The following SLCO4C1 variants were observed in gnomAD, a reference collection of about 807,000 sequenced individuals.
SLCO4C1 encodes solute carrier organic anion transporter family member 4C1.
Under a neutral mutation model 72.1 loss-of-function variants are expected in SLCO4C1, and 58 were observed. The observed-to-expected ratio is 0.80, with a 90% CI of 0.65 to 1.00. SLCO4C1 has a LOEUF of 1.00. SLCO4C1 is among the 50% of genes least tolerant of loss of function. The pLI is 0.00. For missense variants in SLCO4C1, 898 were observed against 857.9 expected (o/e 1.05, Z -0.58); for synonymous variants, 297 against 312.5 (o/e 0.95, Z 0.52).
intron 2 of SLCO4C1, among the ~76,000 whole-genome samples, chr5:102,280,837 T>C (rs1749341138): frequency 1.3e-5 from 2 of 152,084 alleles, no homozygotes; most frequent in South Asian, 4.1e-4. Context: ...GTCCCTCCCT[T>C]GACATGTGGG....
chr5:102,287,588 T>G (rs1390294718), intron 2 of SLCO4C1, among the ~76,000 whole-genome samples: 1 of 143,332 alleles, frequency 7.0e-6, no homozygotes, highest in East Asian at 2.1e-4. Flanking sequence ...TCACCCAGGC[T>G]GGATGGAGTG....
chr5:102,260,338 T>C lies in SLCO4C1; in HGVS notation c.1022-19A>G. ...GCTGTACCTAAAAAAAAAATATATA[T>C]ATATATATAATATATATATTATACA... On this transcript the variant is annotated intron_variant, in intron 5 of 12. Transcript: ENST00000310954. The C allele has an allele frequency of 5.5e-6, 2 of 363,874 alleles. No homozygotes were observed. The highest frequency in any genetic ancestry group is 8.8e-6 in the Non-Finnish European group (2 of 228,526). 22.5% of individuals were successfully genotyped at this position (363,874 alleles called of 1,614,324 possible). A position where few individuals can be genotyped will look rare whatever the true frequency, so the allele number is the denominator to read the frequency against.
chr5:102,249,739 A>G lies in SLCO4C1; in HGVS notation c.1519T>C (p.Cys507Arg), dbSNP rs1323055857. ...ACAGGATAATAATATGATCGCGAAC[A>G]GTTACAATTGGCATTACAAGGGGCT... Reference protein sequence around the residue: ...LIAPCNANCNCSRSYYYPVCG... With the variant: ...LIAPCNANCNRSRSYYYPVCG... The change falls in exon 9 of 13, where the codon TGT becomes CGT. Residue 507 changes from cysteine to arginine, a missense_variant. Coordinates refer to ENST00000310954, the MANE Select transcript of SLCO4C1 (RefSeq NM_180991.5). The G allele has an allele frequency of 6.2e-7, 1 of 1,613,986 alleles. No homozygotes were observed. The highest frequency in any genetic ancestry group is 8.5e-7 in the Non-Finnish European group (1 of 1,179,934).
chr5:102,281,470 C>T (rs962620887), intron 2 of SLCO4C1, among the ~76,000 whole-genome samples: 17 of 152,030 alleles, frequency 1.1e-4, no homozygotes, highest in Admixed American at 6.6e-5. Flanking sequence ...AAAATTTTCA[C>T]TCTCTGAAAG....
In SLCO4C1 at chr5:102,257,226, G is replaced by C. The variant is rs189281809; in HGVS notation, c.1358C>G (p.Thr453Arg). The change falls in exon 8 of 13, where the codon ACA becomes AGA. Residue 453 changes from threonine (T) to arginine (R), a missense_variant. By Grantham distance (71) the Thr-to-Arg change is moderately conservative. Coordinates refer to ENST00000310954, the MANE Select transcript of SLCO4C1 (RefSeq NM_180991.5). ...VSKFRMTCKNTMKFALFTSGV... is the reference protein window; with the variant it reads ...VSKFRMTCKNRMKFALFTSGV... Reference sequence around the variant, plus strand: ...AGATGTGAACAGTGCAAACTTCATTGTGTTTTTACATGTCATTCTGAATTT... The same window carrying C: ...AGATGTGAACAGTGCAAACTTCATTCTGTTTTTACATGTCATTCTGAATTT... 1.2e-6 allele frequency: 2 copies of C among 1,611,208 alleles called. No homozygotes were observed. The highest frequency in any genetic ancestry group is 4.5e-5 in the East Asian group (2 of 44,634).
chr5:102,284,098 C>A (rs146180826), intron 2 of SLCO4C1, among the ~76,000 whole-genome samples: 5 of 151,546 alleles, frequency 3.3e-5, no homozygotes, highest in African/African-American at 7.3e-5. Context: ...CTAATTCGGT[C>A]GCCAGAAAAA....
In SLCO4C1 at chr5:102,249,704, A is replaced by C; in HGVS notation, c.1554T>G (p.Asp518Glu). The change falls in exon 9 of 13, where the codon GAT becomes GAG. Residue 518 changes from aspartate (D) to glutamate (E), a missense_variant. Coordinates refer to ENST00000310954, the MANE Select transcript of SLCO4C1 (RefSeq NM_180991.5). ...AGCAGGGAGAAAAATATTGGACTCC[A>C]TCTCCACAGACAGGATAATAATATG... The part of the protein sequence containing the change: ...SRSYYYPVCG[D>E]GVQYFSPCFA... 6.2e-7 allele frequency: 1 copy of C among 1,614,038 alleles called. No individual in the cohort carries two copies.
At chr5:102,270,841 T>C (rs1000726652) in intron 2 of SLCO4C1, 35 bp from the exon 3 acceptor site, 9 of 1,476,736 alleles carry the variant, frequency 6.1e-6, no homozygotes, top group Non-Finnish European at 8.2e-6. Context: ...TTTATAGAAA[T>C]TCAGCTAATA....
chr5:102,287,488 T>C lies in SLCO4C1; in HGVS notation c.619+3855A>G, dbSNP rs1057476008. The stretch of plus-strand genomic sequence containing the variant: ...TAACCATCTGTGAAATCAATTCACC[T>C]CTTGCCCTAAGGCTTACACTATAAA... On this transcript the variant is annotated intron_variant, in intron 2 of 12. Coordinates refer to ENST00000310954, the MANE Select transcript of SLCO4C1 (RefSeq NM_180991.5). Among the ~76,000 whole-genome samples the C allele has an allele frequency of 9.2e-5, 14 of 151,572 alleles. No individual in the cohort carries two copies. In the East Asian group the frequency reaches 2.5e-3, roughly 27 times the overall value.
At chr5:102,254,533 C>T (rs1748798288) in intron 8 of SLCO4C1, among the ~76,000 whole-genome samples, 1 of 152,076 alleles carries the variant, frequency 6.6e-6, no homozygotes, top group African/African-American at 2.4e-5. Context: ...TGTGTTCTGA[C>T]TGCTCATTAT....
At chr5:102,258,120 A>C (rs1196122797) in intron 6 of SLCO4C1, 33 bp from the exon 7 acceptor site, 1 of 1,502,068 alleles carries the variant, frequency 6.7e-7, no homozygotes. Context: ...TCAAATGAAT[A>C]GCTATGATTG....
At chr5:102,295,480 T>C (rs1337445134) in intron 1 of SLCO4C1, among the ~76,000 whole-genome samples, 1 of 152,176 alleles carries the variant, frequency 6.6e-6, no homozygotes, top group Admixed American at 6.5e-5. Context: ...CCTGCAAACG[T>C]ATTACTCCTT....
At chr5:102,267,397 T>C (rs1749060948) in intron 3 of SLCO4C1, among the ~76,000 whole-genome samples, 1 of 152,104 alleles carries the variant, frequency 6.6e-6, no homozygotes, top group South Asian at 2.1e-4. Flanking sequence ...TCCAGGTTTT[T>C]CAATTTGTTG....
chr5:102,270,700 T>C lies in SLCO4C1; in HGVS notation c.726A>G (p.Gly242=), dbSNP rs1749135374. ...FILGQLLLGA[G]GTPLYTLGTA... ...TTCCCAGAGTATAAAGAGGAGTTCC[T>C]CCTGCCCCCAGCAATAGTTGTCCCA... Residue 242 remains glycine (G), a synonymous_variant, in exon 3 of 13, where the codon GGA becomes GGG. Coordinates refer to ENST00000310954, the MANE Select transcript of SLCO4C1 (RefSeq NM_180991.5). 1 of 1,613,210 alleles carries C rather than the reference T, an allele frequency of 6.2e-7. No homozygotes were observed. The highest frequency in any genetic ancestry group is 8.5e-7 in the Non-Finnish European group (1 of 1,179,560).
chr5:102,282,483 C>T (rs1308897875), intron 2 of SLCO4C1, among the ~76,000 whole-genome samples: 1 of 151,720 alleles, frequency 6.6e-6, no homozygotes, highest in African/African-American at 2.4e-5. Context: ...CCTCTCTAAC[C>T]AGAAAAATTA....
intron 10 of SLCO4C1, among the ~76,000 whole-genome samples, chr5:102,243,880 T>C (rs747847845): frequency 2.0e-5 from 3 of 152,116 alleles, no homozygotes; most frequent in Non-Finnish European, 4.4e-5. Flanking sequence ...AGATATATTT[T>C]ACAAAAAGAC....
At chr5:102,260,743 T>C (rs1183460454) in intron 5 of SLCO4C1, among the ~76,000 whole-genome samples, 1 of 152,168 alleles carries the variant, frequency 6.6e-6, no homozygotes, top group Non-Finnish European at 1.5e-5. Context: ...GTGGCTTTTT[T>C]CCTCTGCTCT....
At position 102,236,645 on chromosome 5, in the gene SLCO4C1, G is replaced by A. The variant is rs1748440759; in HGVS notation, c.*213C>T. 1 of 453,532 alleles carries A rather than the reference G, an allele frequency of 2.2e-6. No individual in the cohort carries two copies. The highest frequency in any genetic ancestry group is 4.4e-5 in the East Asian group (1 of 22,774). The allele number at this position is 453,532 out of a possible 1,614,324, so 28.1% of individuals were successfully genotyped here. A position where few individuals can be genotyped will look rare whatever the true frequency, so the allele number is the denominator to read the frequency against. ...GTGTGTGCTCGTGTGTGTGTGTGCT[G>A]TGTTTTGAGGCTTTACGTGGGCTTT... On this transcript the variant is annotated 3_prime_UTR_variant, in exon 13 of 13. Transcript: ENST00000310954.
Position 102,247,437 on chromosome 5 carries a change from AT to A in SLCO4C1, c.1625del (p.Tyr542PhefsTer13). The A allele has an allele frequency of 6.6e-7, 1 of 1,521,850 alleles. No homozygotes were observed. The highest frequency in any genetic ancestry group is 2.3e-5 in the East Asian group (1 of 43,504). 94.3% of individuals were successfully genotyped at this position (1,521,850 alleles called of 1,614,324 possible). A position where few individuals can be genotyped will look rare whatever the true frequency, so the allele number is the denominator to read the frequency against. ...NPVAHRKPKVYYNCSCIERKT... is the reference protein window; with the variant it reads ...NPVAHRKPKVXYNCSCIERKT... ...TCCTTTCAATACAGGAACAGTTGTAATATACCTAAAAATATTAGACATAAAA... is the reference window on the plus strand; with the variant it reads ...TCCTTTCAATACAGGAACAGTTGTAAATACCTAAAAATATTAGACATAAAA... On this transcript the variant is annotated frameshift_variant, in exon 10 of 13. Transcript: ENST00000310954. LOFTEE classifies it high-confidence loss of function.
Sources: gnomAD v4.1 joint callset for allele counts (sites outside exome capture counted in the v4.1 genomes callset) on GRCh38, gnomAD v4.1.1 for gene constraint, MANE v1.5 for transcripts, NCBI Gene and HGNC (gene_info 2026-07-23, HGNC 2026-07-21) for gene names.